The following ADAMTSL1 variants were observed in gnomAD, a reference collection of about 807,000 sequenced individuals.
The protein encoded by ADAMTSL1 is ADAMTS-like protein 1.
Under a neutral mutation model 201.8 loss-of-function variants are expected in ADAMTSL1, and 126 were observed. The ratio of observed to expected loss-of-function variants is 0.62; its 90% CI spans 0.54 to 0.72. ADAMTSL1 has a LOEUF of 0.72. Among genes scored for constraint, ADAMTSL1 ranks in the 30% least tolerant of loss-of-function variants. The pLI, the probability that ADAMTSL1 is intolerant of heterozygous loss-of-function variation, is 0.00. For missense variants in ADAMTSL1, 2,679 were observed against 2,277.8 expected (o/e 1.18, Z -3.59); for synonymous variants, 1,121 against 903.4 (o/e 1.24, Z -4.32).
intron 1 of ADAMTSL1, among the ~76,000 whole-genome samples, chr9:18,086,482 G>GTTAGA (rs1823776180): frequency 6.6e-6 from 1 of 151,870 alleles, no homozygotes; most frequent in Middle Eastern, 3.2e-3. Flanking sequence ...CTGCTTTAAA[G>GTTAGA]TTAGATCAAA....
chr9:18,177,916 AT>A (rs1828248749), intron 2 of ADAMTSL1, among the ~76,000 whole-genome samples: 1 of 152,208 alleles, frequency 6.6e-6, no homozygotes, highest in African/African-American at 2.4e-5. Flanking sequence ...ATTGAATAAA[AT>A]CCCCCAAGTG....
chr9:18,662,184 A>G (rs896191168), intron 9 of ADAMTSL1, 111 bp downstream of exon 9: 42 of 1,365,782 alleles, frequency 3.1e-5, no homozygotes, highest in South Asian at 1.1e-4. Context: ...TTAAACATCA[A>G]TAGTGTTGCT....
chr9:17,980,611 G>A (rs761627265), intron 1 of ADAMTSL1, among the ~76,000 whole-genome samples: 1 of 151,980 alleles, frequency 6.6e-6, no homozygotes, highest in Non-Finnish European at 1.5e-5. Flanking sequence ...GGGTTGGGAG[G>A]TGGGGTTTTT....
At chr9:18,755,852 G>A (rs1268131868) in intron 16 of ADAMTSL1, among the ~76,000 whole-genome samples, 4 of 151,892 alleles carry the variant, frequency 2.6e-5, no homozygotes, top group Non-Finnish European at 4.4e-5. Flanking sequence ...GTAAACAACT[G>A]TTTGAAGTTC....
intron 2 of ADAMTSL1, among the ~76,000 whole-genome samples, chr9:18,238,444 A>G (rs1238921381): frequency 1.3e-5 from 2 of 152,086 alleles, no homozygotes; most frequent in Admixed American, 1.3e-4. Context: ...CTGGGCTTGC[A>G]GGGTGAGAGG....
intron 13 of ADAMTSL1, among the ~76,000 whole-genome samples, chr9:18,694,114 C>A (rs781346105): frequency 1.3e-5 from 2 of 152,060 alleles, no homozygotes; most frequent in Non-Finnish European, 1.5e-5. Context: ...ACAACCAGAT[C>A]TCGTGAGAAC....
chr9:18,002,181 A>G (rs1285316307), intron 1 of ADAMTSL1, among the ~76,000 whole-genome samples: 3 of 152,100 alleles, frequency 2.0e-5, no homozygotes, highest in Non-Finnish European at 2.9e-5. Context: ...ACTAGAGATC[A>G]GAACATAAGA....
chr9:18,413,210 G>A lies in ADAMTSL1; in HGVS notation c.208-91619G>A, dbSNP rs551888395. 3.9e-4 allele frequency among the ~76,000 whole-genome samples: 26 copies of A among 66,240 alleles called. No homozygotes were observed. The South Asian group carries it at 0.01, about 26-fold the overall frequency. The allele number at this position is 66,240 out of a possible 152,430, so 43.5% of individuals were successfully genotyped here. On this transcript the variant is annotated intron_variant, in intron 2 of 29. Transcript: ENST00000680146. ...ATTGCCCAGTCTGAAGTGCAGTGGCGCAATCTTGGCTTGCTGCAATCTTGG... is the reference window on the plus strand; with the variant it reads ...ATTGCCCAGTCTGAAGTGCAGTGGCACAATCTTGGCTTGCTGCAATCTTGG...
chr9:18,535,323 C>A (rs191978384), intron 3 of ADAMTSL1, among the ~76,000 whole-genome samples: 115 of 152,330 alleles, frequency 7.5e-4, no homozygotes, highest in African/African-American at 2.5e-3. Flanking sequence ...TCTGAGACCA[C>A]CCCAGCCTGG....
intron 2 of ADAMTSL1, among the ~76,000 whole-genome samples, chr9:18,348,049 T>C (rs1168736728): frequency 1.3e-5 from 2 of 152,230 alleles, no homozygotes; most frequent in African/African-American, 4.8e-5. Flanking sequence ...TCTGGTCTTT[T>C]AAAAGCTTCC....
chr9:18,801,509 T>G (rs183183446), intron 20 of ADAMTSL1, among the ~76,000 whole-genome samples: 130 of 152,284 alleles, frequency 8.5e-4, no homozygotes, highest in African/African-American at 3.1e-3. Flanking sequence ...AGCTATTTTT[T>G]CAGCTCCGCT....
At chr9:18,894,517 T>A (rs997373796) in intron 26 of ADAMTSL1, among the ~76,000 whole-genome samples, 2 of 151,968 alleles carry the variant, frequency 1.3e-5, no homozygotes, top group Non-Finnish European at 1.5e-5. Context: ...ATAAGCGTGA[T>A]TCGCATGGCT....
chr9:18,714,516 A>G (rs964585678), intron 14 of ADAMTSL1, among the ~76,000 whole-genome samples: 3 of 145,134 alleles, frequency 2.1e-5, no homozygotes, highest in East Asian at 2.0e-4. Context: ...TAAATTCCTC[A>G]ACACATACAC....
intron 1 of ADAMTSL1, among the ~76,000 whole-genome samples, chr9:18,489,372 T>C (rs111720586): frequency 3.0e-3 from 459 of 152,272 alleles, no homozygotes; most frequent in African/African-American, 0.01. Flanking sequence ...TAAGTCTATA[T>C]GTGAGAGGAA....
intron 1 of ADAMTSL1, among the ~76,000 whole-genome samples, chr9:18,013,731 A>G (rs904917230): frequency 6.6e-6 from 1 of 152,028 alleles, no homozygotes; most frequent in South Asian, 2.1e-4. Context: ...ACAAGATGCC[A>G]TACCTCTGTT....
chr9:17,957,798 A>G (rs1205083157), intron 1 of ADAMTSL1, among the ~76,000 whole-genome samples: 1 of 152,128 alleles, frequency 6.6e-6, no homozygotes, highest in Non-Finnish European at 1.5e-5. Context: ...GGAGGTGGAG[A>G]TTGGAATGAG....
intron 1 of ADAMTSL1, among the ~76,000 whole-genome samples, chr9:18,101,048 C>T (rs747117819): frequency 5.9e-5 from 9 of 152,064 alleles, no homozygotes; most frequent in Non-Finnish European, 1.2e-4. Context: ...TATATGTTGT[C>T]TGTGGGATTT....
intron 23 of ADAMTSL1, among the ~76,000 whole-genome samples, chr9:18,882,184 G>A (rs1273559694): frequency 6.6e-6 from 1 of 152,232 alleles, no homozygotes; most frequent in Non-Finnish European, 1.5e-5. Context: ...AAGGCAGTTG[G>A]GAAAATGAGG....
Position 18,777,507 on chromosome 9 carries a change from G to C in ADAMTSL1, c.3278G>C (p.Arg1093Pro). ...GNLSQQPEEL[R>P]DLYSKHLVAQ... ...CTCTCCCAGCAGCCCGAGGAGCTGC[G>C]CGACCTCTACAGCAAGCACCTGGTG... is the stretch of plus-strand genomic sequence containing the variant. Residue 1093 changes from arginine to proline, a missense_variant, in exon 19 of 29, where the codon CGC becomes CCC. By Grantham distance (103) the Arg-to-Pro change is moderately radical. Coordinates refer to ENST00000380548, the MANE Select transcript of ADAMTSL1 (RefSeq NM_001040272.6). The C allele has an allele frequency of 6.3e-7, 1 of 1,597,450 alleles. No individual in the cohort carries two copies.
Sources: gnomAD v4.1 joint callset for allele counts (sites outside exome capture counted in the v4.1 genomes callset) on GRCh38, gnomAD v4.1.1 for gene constraint, MANE v1.5 for transcripts, NCBI Gene and HGNC (gene_info 2026-07-23, HGNC 2026-07-21) for gene names.